Variants in ANO4 observed in about 807,000 individuals in gnomAD.
ANO4 encodes anoctamin-4.
ANO4 carries 69 observed loss-of-function variants against 141.9 expected under a neutral mutation model. The observed-to-expected ratio is 0.49, with a 90% CI of 0.40 to 0.59. ANO4 has a LOEUF of 0.59. ANO4 is among the 20% of genes least tolerant of loss of function. The pLI is 0.00. For missense variants in ANO4, 894 were observed against 1,162.2 expected, an observed-to-expected ratio of 0.77 and a Z score of 3.36; for synonymous variants, 350 against 394.3, an observed-to-expected ratio of 0.89 and a Z score of 1.33.
At chr12:100,821,190 ATGG>A (rs1347474092) in intron 1 of ANO4, among the ~76,000 whole-genome samples, 1 of 152,040 alleles carries the variant, frequency 6.6e-6, no homozygotes, top group Non-Finnish European at 1.5e-5. Flanking sequence ...CAGTTGCCAT[ATGG>A]TACCCTAATA....
intron 16 of ANO4, among the ~76,000 whole-genome samples, chr12:101,084,829 A>G (rs2049418976): frequency 6.6e-6 from 1 of 152,210 alleles, no homozygotes; most frequent in African/African-American, 2.4e-5. Context: ...AACTTGGAAC[A>G]CAGGAGGCTG....
intron 1 of ANO4, among the ~76,000 whole-genome samples, chr12:100,860,960 C>T (rs1412542905): frequency 1.3e-5 from 2 of 152,176 alleles, no homozygotes; most frequent in Non-Finnish European, 2.9e-5. Flanking sequence ...AAAGATGGCA[C>T]AGACCCAAAG....
At chr12:101,057,726 A>G (rs1000478648) in intron 14 of ANO4, among the ~76,000 whole-genome samples, 1 of 151,980 alleles carries the variant, frequency 6.6e-6, no homozygotes, top group African/African-American at 2.4e-5. Context: ...ATTTTCCTGT[A>G]AAGTTGTTTA....
chr12:100,834,556 A>G (rs2036803292), intron 1 of ANO4, among the ~76,000 whole-genome samples: 2 of 152,142 alleles, frequency 1.3e-5, no homozygotes, highest in South Asian at 2.1e-4. Flanking sequence ...TTTAATATAC[A>G]TGTACCAACA....
exon 2 of ANO4, chr12:100,733,780 A>G (rs1283610754): frequency 1.4e-6 from 1 of 701,684 alleles, no homozygotes; most frequent in Admixed American, 2.0e-5. Context: ...ACAGACAAAG[A>G]TGTGAGCAGC....
chr12:101,068,591 G>A, intron 14 of ANO4: 1 of 1,416,298 alleles, frequency 7.1e-7, no homozygotes, highest in South Asian at 1.2e-5. Flanking sequence ...CAAAAGTGTG[G>A]TGAAAGTGCT....
chr12:100,988,538 T>G, intron 8 of ANO4, among the ~76,000 whole-genome samples: 1 of 137,820 alleles, frequency 7.3e-6, no homozygotes, highest in Non-Finnish European at 1.5e-5. Context: ...AAAAGGGTGA[T>G]GGATTTAAAA....
At chr12:100,819,069 G>A (rs12824939) in intron 1 of ANO4, among the ~76,000 whole-genome samples, 3 of 149,866 alleles carry the variant, frequency 2.0e-5, no homozygotes, top group South Asian at 2.1e-4. Flanking sequence ...ATGTATGTGT[G>A]TATATATATA....
intron 9 of ANO4, among the ~76,000 whole-genome samples, chr12:101,022,726 G>T (rs1479136928): frequency 6.6e-6 from 1 of 152,068 alleles, no homozygotes; most frequent in African/African-American, 2.4e-5. Context: ...ATTATCATTT[G>T]CAGTACAACT....
chr12:101,119,052 CT>C (rs1199089115), intron 25 of ANO4, among the ~76,000 whole-genome samples: 4 of 151,918 alleles, frequency 2.6e-5, no homozygotes, highest in Non-Finnish European at 5.9e-5. Context: ...TGAACTCATC[CT>C]TTTTTATGGC....
Position 101,086,704 on chromosome 12 carries a change from G to A in ANO4, c.1581G>A (p.Arg527=), listed in dbSNP as rs1188106847. Residue 527 remains arginine (R), a synonymous_variant, in exon 17 of 28, where the codon CGG becomes CGA. Transcript: ENST00000392977. The part of the protein sequence containing the change: ...IAAVFGIVIY[R]VVTVSTFAAF... ...CCGTGTTCGGGATCGTCATTTACCG[G>A]GTGGTGACTGTCAGCACTTTCGCTG... 7 of 1,613,742 alleles carry A rather than the reference G, an allele frequency of 4.3e-6. No individual in the cohort carries two copies. Among genetic ancestry groups the A allele is most frequent in the South Asian group, 2.2e-5 (2 of 91,074 alleles).
intron 13 of ANO4, 71 bp downstream of exon 13, chr12:101,043,706 T>TC: frequency 9.1e-7 from 1 of 1,101,898 alleles, no homozygotes; most frequent in African/African-American, 1.5e-5. Flanking sequence ...GGTGGGTAAC[T>TC]CTATTCTGTC....
chr12:101,048,466 A>C, intron 14 of ANO4, 65 bp downstream of exon 14: 8 of 1,427,936 alleles, frequency 5.6e-6, no homozygotes, highest in South Asian at 3.8e-5. Context: ...TTCCTTTAGA[A>C]GTTTCACTTT....
chr12:100,829,434 C>A (rs986118971), intron 1 of ANO4, among the ~76,000 whole-genome samples: 2 of 151,988 alleles, frequency 1.3e-5, no homozygotes, highest in African/African-American at 4.8e-5. Flanking sequence ...AATTCCTTTC[C>A]ACTTTCATGT....
chr12:100,842,900 T>C (rs1395665487), intron 1 of ANO4, among the ~76,000 whole-genome samples: 1 of 152,156 alleles, frequency 6.6e-6, no homozygotes, highest in Non-Finnish European at 1.5e-5. Flanking sequence ...ACAAGACTTT[T>C]GGAGGGGACA....
Position 101,005,378 on chromosome 12 carries a change from G to T in ANO4, c.735-14656G>T, listed in dbSNP as rs145838168. Reference sequence around the variant, plus strand: ...CTAATCTCTAATAAATTTGAATATTGCATTGTTTTCATTTTTGAGTGTCTA... The same window carrying T: ...CTAATCTCTAATAAATTTGAATATTTCATTGTTTTCATTTTTGAGTGTCTA... On this transcript the variant is annotated intron_variant, in intron 8 of 27. Coordinates refer to ENST00000392977, the MANE Select transcript of ANO4 (RefSeq NM_001286615.2). Among the ~76,000 whole-genome samples the T allele has an allele frequency of 4.8e-3, 732 of 152,214 alleles. 10 individuals carry two copies. Among genetic ancestry groups the T allele is most frequent in the African/African-American group, 0.016 (675 of 41,520 alleles).
At chr12:100,887,896 A>G (rs918937291) in intron 1 of ANO4, among the ~76,000 whole-genome samples, 2 of 152,194 alleles carry the variant, frequency 1.3e-5, no homozygotes, top group Non-Finnish European at 2.9e-5. Flanking sequence ...TGGGAGGTCA[A>G]GGGTGGGCTA....
intron 8 of ANO4, among the ~76,000 whole-genome samples, chr12:101,015,373 G>T (rs1269245196): frequency 2.0e-5 from 3 of 152,064 alleles, no homozygotes; most frequent in Admixed American, 2.0e-4. Context: ...AAATAGCTGT[G>T]TGACTGTTTT....
chr12:100,835,022 G>T (rs949208230), intron 1 of ANO4, among the ~76,000 whole-genome samples: 6 of 152,152 alleles, frequency 3.9e-5, no homozygotes, highest in Non-Finnish European at 5.9e-5. Flanking sequence ...GACTACCATA[G>T]ATGCGACACA....
Sources: allele counts gnomAD v4.1 joint callset (sites outside exome capture counted in the v4.1 genomes callset), GRCh38; gene constraint gnomAD v4.1.1; transcripts MANE v1.5; gene names NCBI Gene and HGNC (gene_info 2026-07-23, HGNC 2026-07-21).